NUBPL: variants seen among roughly 807,000 people sequenced by gnomAD.
NUBPL encodes NUBP iron-sulfur cluster assembly factor, mitochondrial.
In NUBPL, 31 loss-of-function variants were observed where a neutral mutation model predicts 45.7. That is an observed-to-expected ratio of 0.68 (90% CI 0.51 to 0.92). NUBPL has a LOEUF of 0.92. Among genes scored for constraint, NUBPL ranks in the 40% least tolerant of loss-of-function variants. The probability of loss-of-function intolerance (pLI) is 0.00; values close to 1 mark genes in which losing one functional copy is unlikely to be tolerated. For missense variants in NUBPL, 401 were observed against 398.7 expected, an observed-to-expected ratio of 1.01 and a Z score of -0.05; for synonymous variants, 144 against 140.9, an observed-to-expected ratio of 1.02 and a Z score of -0.15.
At chr14:31,811,702 T>C (rs1037206955) in intron 7 of NUBPL, among the ~76,000 whole-genome samples, 2 of 152,236 alleles carry the variant, frequency 1.3e-5, no homozygotes, top group African/African-American at 4.8e-5. Flanking sequence ...AGGAGTGCTC[T>C]GGTTTTTAGA....
At chr14:31,640,974 A>G (rs1452665653) in intron 4 of NUBPL, among the ~76,000 whole-genome samples, 1 of 150,606 alleles carries the variant, frequency 6.6e-6, no homozygotes, top group Non-Finnish European at 1.5e-5. Flanking sequence ...TGTTTTTGAG[A>G]CAGAGTCCCA....
chr14:31,633,447 G>A (rs899693005), intron 4 of NUBPL, among the ~76,000 whole-genome samples: 2 of 152,158 alleles, frequency 1.3e-5, no homozygotes, highest in Admixed American at 6.6e-5. Flanking sequence ...ATCTTTGCAA[G>A]TTTATTTTAC....
rs1485371211 is a variant in NUBPL, at chr14:31,672,932, T to A, written c.383-423T>A. Among the ~76,000 whole-genome samples, 4 of 152,206 alleles carry A rather than the reference T, an allele frequency of 2.6e-5. No individual in the cohort carries two copies. The East Asian group carries it at 5.8e-4, about 22-fold the overall frequency. ...GAGTAGCCTATTTGTATTTCCAGTT[T>A]GGTATTCTTTGATCCTGGAAGGATG... is the stretch of plus-strand genomic sequence containing the variant. On this transcript the variant is annotated intron_variant, in intron 4 of 10. Transcript: ENST00000281081.
rs34367142 is a variant in NUBPL at position 31,744,617 on chromosome 14, C to CT, written c.514-43141dup. Among the ~76,000 whole-genome samples the CT allele has an allele frequency of 6.1e-3, 637 of 103,882 alleles. 3 individuals are homozygous for CT. Among genetic ancestry groups the CT allele is most frequent in the Non-Finnish European group, 7.6e-3 (415 of 54,914 alleles). 68.2% of individuals were successfully genotyped at this position (103,882 alleles called of 152,430 possible). On this transcript the variant is annotated intron_variant, in intron 6 of 10. Transcript: ENST00000281081. The stretch of plus-strand genomic sequence containing the variant: ...CATTATATTGAAAGATTTGTAGAAT[C>CT]TTTTTTTTTTTTTTTTTTTTTTGAG...
rs111922969 is a variant in NUBPL, at chr14:31,592,459, C to G, written c.292-6830C>G. 3.9e-4 allele frequency among the ~76,000 whole-genome samples: 59 copies of G among 152,128 alleles called. 1 individual carries two copies. Among genetic ancestry groups the G allele is most frequent in the African/African-American group, 1.3e-3 (52 of 41,502 alleles). On this transcript the variant is annotated intron_variant, in intron 3 of 10. Coordinates refer to ENST00000281081, the MANE Select transcript of NUBPL (RefSeq NM_025152.3). ...TGTTTCATCTGAATCATTCTTGCAG[C>G]CCTGTTGAGAAGAAAGGCTGGGGTG...
intron 7 of NUBPL, among the ~76,000 whole-genome samples, chr14:31,810,607 G>A (rs572967532): frequency 6.6e-6 from 1 of 152,246 alleles, no homozygotes; most frequent in South Asian, 2.1e-4. Flanking sequence ...GGGGCATTTA[G>A]CCCATTTACA....
chr14:31,722,613 G>T (rs1379180186), intron 6 of NUBPL, among the ~76,000 whole-genome samples: 1 of 151,988 alleles, frequency 6.6e-6, no homozygotes, highest in East Asian at 1.9e-4. Flanking sequence ...GTTATTTTTT[G>T]ACATTTTAAT....
intron 6 of NUBPL, among the ~76,000 whole-genome samples, chr14:31,775,337 C>T (rs953004506): frequency 1.3e-5 from 2 of 152,050 alleles, no homozygotes; most frequent in African/African-American, 2.4e-5. Context: ...AGACTCGCTT[C>T]AACCTGGGAG....
At chr14:31,715,625 G>A (rs988199286) in intron 6 of NUBPL, among the ~76,000 whole-genome samples, 2 of 152,202 alleles carry the variant, frequency 1.3e-5, no homozygotes, top group Admixed American at 6.5e-5. Context: ...AAAATACAGT[G>A]TAAAATATGA....
chr14:31,775,129 CA>C (rs1241667386), intron 6 of NUBPL, among the ~76,000 whole-genome samples: 27 of 152,052 alleles, frequency 1.8e-4, no homozygotes, highest in Admixed American at 1.7e-3. Flanking sequence ...TATTTGGATC[CA>C]AAAGTGGCTG....
chr14:31,658,815 T>C (rs2036203106), intron 4 of NUBPL, among the ~76,000 whole-genome samples: 1 of 152,174 alleles, frequency 6.6e-6, no homozygotes, highest in Non-Finnish European at 1.5e-5. Flanking sequence ...CCTCCTTTAA[T>C]AGCTATTTAC....
intron 6 of NUBPL, among the ~76,000 whole-genome samples, chr14:31,682,089 G>C (rs12888673): frequency 0.35 from 52,585 of 151,908 alleles, 9,284 homozygotes; most frequent in South Asian, 0.41. Flanking sequence ...TTATTGATTT[G>C]TCTAGTTACT....
chr14:31,601,534 T>C (rs550015452), intron 4 of NUBPL, among the ~76,000 whole-genome samples: 232 of 152,216 alleles, frequency 1.5e-3, no homozygotes, highest in Non-Finnish European at 2.8e-3. Flanking sequence ...CTCAAACAAA[T>C]TTACAAGAAA....
chr14:31,820,062 C>T (rs2039989414), intron 7 of NUBPL, among the ~76,000 whole-genome samples: 1 of 150,470 alleles, frequency 6.6e-6, no homozygotes, highest in Non-Finnish European at 1.5e-5. Context: ...ATGGCATGAA[C>T]CCAGGAGGCG....
chr14:31,568,874 C>T (rs958800371), intron 3 of NUBPL, among the ~76,000 whole-genome samples: 3 of 152,146 alleles, frequency 2.0e-5, no homozygotes, highest in Admixed American at 6.5e-5. Context: ...AAGTGGATTG[C>T]GTAAGCCCTG....
At chr14:31,811,608 G>T (rs2039807126) in intron 7 of NUBPL, among the ~76,000 whole-genome samples, 2 of 152,154 alleles carry the variant, frequency 1.3e-5, no homozygotes, top group Non-Finnish European at 2.9e-5. Flanking sequence ...ACTTTCTGAA[G>T]CCTACTTCTG....
chr14:31,842,240 T>C (rs2040388640), intron 8 of NUBPL, among the ~76,000 whole-genome samples: 1 of 151,898 alleles, frequency 6.6e-6, no homozygotes. Flanking sequence ...CTGGGCTCTT[T>C]ATTCTATTAC....
At chr14:31,568,396 G>T (rs950216380) in intron 3 of NUBPL, among the ~76,000 whole-genome samples, 1 of 152,120 alleles carries the variant, frequency 6.6e-6, no homozygotes, top group East Asian at 1.9e-4. Flanking sequence ...ACATAAACAC[G>T]CCCTTCGAGG....
chr14:31,564,915 C>T, intron 2 of NUBPL, 99 bp from the exon 3 acceptor site: 1 of 694,510 alleles, frequency 1.4e-6, no homozygotes, highest in Non-Finnish European at 2.5e-6. Context: ...ATTAAAATTA[C>T]ATGAAATTAT....
Sources: gnomAD v4.1 joint callset for allele counts (sites outside exome capture counted in the v4.1 genomes callset) on GRCh38, gnomAD v4.1.1 for gene constraint, MANE v1.5 for transcripts, NCBI Gene and HGNC (gene_info 2026-07-23, HGNC 2026-07-21) for gene names.